Variants in PCDH15 observed in about 807,000 individuals in gnomAD.
PCDH15 encodes protocadherin related 15, also known as protocadherin-15.
Under a neutral mutation model 178.5 loss-of-function variants are expected in PCDH15, and 129 were observed. That is an observed-to-expected ratio of 0.72 (90% confidence interval 0.63 to 0.84). The LOEUF is 0.84. Among genes scored for constraint, PCDH15 ranks in the 40% least tolerant of loss-of-function variants. The pLI, the probability that PCDH15 is intolerant of heterozygous loss-of-function variation, is 0.00. For synonymous variants in PCDH15, 800 were observed against 732.0 expected, an observed-to-expected ratio of 1.09 and a Z score of -1.50; for missense variants, 2,230 against 2,099.9, an observed-to-expected ratio of 1.06 and a Z score of -1.21.
chr10:53,966,795 TATTA>T (rs1343546172), intron 21 of PCDH15, among the ~76,000 whole-genome samples: 2 of 151,698 alleles, frequency 1.3e-5, no homozygotes, highest in Admixed American at 1.3e-4. Context: ...AACTCACCCT[TATTA>T]GTTATGTTTT....
intron 2 of PCDH15, among the ~76,000 whole-genome samples, chr10:55,485,185 C>CA (rs562987956): frequency 1.3e-5 from 2 of 151,436 alleles, no homozygotes; most frequent in East Asian, 1.9e-4. Context: ...AACTCAATAG[C>CA]AAAAAAATCC....
At chr10:55,164,479 A>C (rs1591956983) in intron 2 of PCDH15, among the ~76,000 whole-genome samples, 1 of 151,052 alleles carries the variant, frequency 6.6e-6, no homozygotes, top group Non-Finnish European at 1.5e-5. Context: ...AGATATACAA[A>C]ATGCTGTAAG....
chr10:54,945,914 C>G (rs1407955287), intron 2 of PCDH15, among the ~76,000 whole-genome samples: 1 of 151,720 alleles, frequency 6.6e-6, no homozygotes, highest in Non-Finnish European at 1.5e-5. Flanking sequence ...GTGGCACCTG[C>G]CTTTTAAATA....
chr10:54,910,904 A>T (rs1363287714), intron 2 of PCDH15, among the ~76,000 whole-genome samples: 1 of 152,202 alleles, frequency 6.6e-6, no homozygotes, highest in African/African-American at 2.4e-5. Context: ...TTCACAGTGC[A>T]GAGGCAATTG....
chr10:54,866,288 T>C (rs1246671719), intron 3 of PCDH15, among the ~76,000 whole-genome samples: 7 of 152,220 alleles, frequency 4.6e-5, no homozygotes, highest in Non-Finnish European at 8.8e-5. Context: ...ATGCCAACTA[T>C]TAAAAGTCTA....
intron 26 of PCDH15, among the ~76,000 whole-genome samples, chr10:53,885,267 T>C (rs933336864): frequency 2.0e-5 from 3 of 152,122 alleles, no homozygotes; most frequent in Admixed American, 1.3e-4. Context: ...TTTCCCTTTT[T>C]TCCTACTTTA....
At chr10:54,823,035 C>T (rs1007531879) in intron 3 of PCDH15, among the ~76,000 whole-genome samples, 16 of 152,002 alleles carry the variant, frequency 1.1e-4, no homozygotes, top group Admixed American at 2.6e-4. Context: ...GTGGGTGCCA[C>T]GACGTCCAGC....
chr10:54,133,352 A>G (rs893230213), intron 14 of PCDH15, among the ~76,000 whole-genome samples: 1 of 152,210 alleles, frequency 6.6e-6, no homozygotes, highest in Non-Finnish European at 1.5e-5. Context: ...TTCTATAAAC[A>G]TCTGGTAATA....
intron 13 of PCDH15, among the ~76,000 whole-genome samples, chr10:54,165,387 T>A (rs1223445619): frequency 6.6e-6 from 1 of 152,080 alleles, no homozygotes; most frequent in East Asian, 1.9e-4. Context: ...CGAAGATGAA[T>A]CTCCCATCTA....
At chr10:53,938,040 T>C (rs1428515820) in intron 25 of PCDH15, among the ~76,000 whole-genome samples, 3 of 152,146 alleles carry the variant, frequency 2.0e-5, no homozygotes, top group African/African-American at 7.2e-5. Context: ...AGATGATTGC[T>C]TAAATGCAAA....
chr10:55,582,628 A>ATATTTTTTTT (rs780312007), intron 2 of PCDH15, among the ~76,000 whole-genome samples: 5 of 69,040 alleles, frequency 7.2e-5, no homozygotes, highest in African/African-American at 2.0e-4. Context: ...ATATATATAT[A>ATATTTTTTTT]TTTTTTTTTT....
At chr10:54,901,892 ATTTC>A (rs1290795194) in intron 2 of PCDH15, among the ~76,000 whole-genome samples, 2 of 152,272 alleles carry the variant, frequency 1.3e-5, no homozygotes, top group Non-Finnish European at 2.9e-5. Flanking sequence ...GAATGCATTA[ATTTC>A]TTCTCATCAG....
At chr10:55,275,582 G>A (rs867454580) in intron 1 of PCDH15, among the ~76,000 whole-genome samples, 1 of 151,662 alleles carries the variant, frequency 6.6e-6, no homozygotes, top group Non-Finnish European at 1.5e-5. Context: ...TAAGAATTTG[G>A]GTTGGTATTT....
intron 26 of PCDH15, among the ~76,000 whole-genome samples, chr10:53,889,026 TAAA>T (rs768006465): frequency 7.5e-6 from 1 of 134,116 alleles, no homozygotes; most frequent in Non-Finnish European, 1.6e-5. Flanking sequence ...ACATGGGAAA[TAAA>T]AAAAAAAAAA....
chr10:54,294,142 A>G (rs1200200975), intron 8 of PCDH15, among the ~76,000 whole-genome samples: 1 of 152,220 alleles, frequency 6.6e-6, no homozygotes, highest in Non-Finnish European at 1.5e-5. Flanking sequence ...GCAGCCATAA[A>G]AAAGGATGAG....
intron 1 of PCDH15, among the ~76,000 whole-genome samples, chr10:55,208,381 T>C (rs1184331873): frequency 6.6e-6 from 1 of 151,990 alleles, no homozygotes; most frequent in East Asian, 1.9e-4. Context: ...GGATTCAAAC[T>C]TTTTCCACTC....
intron 3 of PCDH15, among the ~76,000 whole-genome samples, chr10:54,524,296 C>T (rs2083169515): frequency 6.6e-6 from 1 of 152,136 alleles, no homozygotes; most frequent in Non-Finnish European, 1.5e-5. Flanking sequence ...TTTCTAATCT[C>T]TCACGTAGTG....
chr10:54,153,144 T>G lies in PCDH15; in HGVS notation c.1740A>C (p.Ala580=), dbSNP rs1428087562. 6.2e-7 allele frequency: 1 copy of G among 1,613,794 alleles called. No individual in the cohort carries two copies. The highest frequency in any genetic ancestry group is 2.2e-5 in the East Asian group (1 of 44,876). ...GVEMIVGRTY[A]LTVQAADNAP... is the part of the protein sequence containing the mutation. ...CATTATCCGCTGCTTGGACCGTGAGTGCGTAAGTCCGCCCGACTATCATTT... is the reference window on the plus strand; with the variant it reads ...CATTATCCGCTGCTTGGACCGTGAGGGCGTAAGTCCGCCCGACTATCATTT... The change falls in exon 14 of 38, where the codon GCA becomes GCC. Residue 580 remains alanine, a synonymous_variant. Transcript: ENST00000644397.
chr10:55,377,820 A>G (rs1837436011), intron 2 of PCDH15, among the ~76,000 whole-genome samples: 1 of 152,138 alleles, frequency 6.6e-6, no homozygotes, highest in Non-Finnish European at 1.5e-5. Context: ...GTGCCCATCA[A>G]TCATAGACTG....
Sources: gnomAD v4.1 joint callset for allele counts (sites outside exome capture counted in the v4.1 genomes callset) on GRCh38, gnomAD v4.1.1 for gene constraint, MANE v1.5 for transcripts, NCBI Gene and HGNC (gene_info 2026-07-23, HGNC 2026-07-21) for gene names.